The following SIPA1L3 variants were observed in gnomAD, a reference collection of about 807,000 sequenced individuals.
SIPA1L3 encodes signal induced proliferation associated 1 like 3.
SIPA1L3 carries 59 observed loss-of-function variants against 150.1 expected under a neutral mutation model. That is an observed-to-expected ratio of 0.39 (90% CI 0.32 to 0.49). The LOEUF (loss-of-function observed/expected upper bound fraction) is 0.49. Among genes scored for constraint, SIPA1L3 ranks in the 20% least tolerant of loss-of-function variants. The pLI, the probability that SIPA1L3 is intolerant of heterozygous loss-of-function variation, is 0.86. For synonymous variants in SIPA1L3, 1,070 were observed against 1,077.6 expected (o/e 0.99, Z 0.14); for missense variants, 2,211 against 2,489.5 (o/e 0.89, Z 2.38).
chr19:38,147,786 G>A (rs1971733300), intron 12 of SIPA1L3, among the ~76,000 whole-genome samples: 1 of 152,048 alleles, frequency 6.6e-6, no homozygotes, highest in Non-Finnish European at 1.5e-5. Flanking sequence ...TCCTTGAGGT[G>A]GGTAGTTTAA....
At chr19:37,943,863 G>A (rs1007792454) in intron 1 of SIPA1L3, among the ~76,000 whole-genome samples, 5 of 152,070 alleles carry the variant, frequency 3.3e-5, no homozygotes, top group African/African-American at 1.2e-4. Flanking sequence ...CTCTGCTTGC[G>A]TTTAGGCCTC....
chr19:37,915,953 C>T (rs964936045), intron 1 of SIPA1L3, among the ~76,000 whole-genome samples: 2 of 150,878 alleles, frequency 1.3e-5, no homozygotes, highest in Non-Finnish European at 3.0e-5. Flanking sequence ...TTTGGGAGGC[C>T]GAGGTGGGAG....
At chr19:37,951,213 G>T (rs937841865) in intron 1 of SIPA1L3, among the ~76,000 whole-genome samples, 2 of 152,218 alleles carry the variant, frequency 1.3e-5, no homozygotes, top group Non-Finnish European at 2.9e-5. Flanking sequence ...TTTTATAATT[G>T]TACTGTGATC....
intron 1 of SIPA1L3, among the ~76,000 whole-genome samples, chr19:38,001,825 A>G (rs759692677): frequency 2.4e-4 from 36 of 152,206 alleles, no homozygotes; most frequent in Non-Finnish European, 3.4e-4. Flanking sequence ...CACAATATAC[A>G]TAACAAATTT....
intron 4 of SIPA1L3, among the ~76,000 whole-genome samples, chr19:38,098,726 C>A (rs1174175096): frequency 1.3e-5 from 2 of 152,142 alleles, no homozygotes; most frequent in African/African-American, 2.4e-5. Flanking sequence ...CTCCTCATAT[C>A]TCATTGCCTG....
chr19:37,923,308 G>A (rs2046473196), intron 1 of SIPA1L3, among the ~76,000 whole-genome samples: 1 of 152,182 alleles, frequency 6.6e-6, no homozygotes, highest in Non-Finnish European at 1.5e-5. Context: ...CTCATGGAGT[G>A]TACTTGCTGC....
In SIPA1L3 at chr19:38,130,833, G is replaced by A. The variant is rs861304; in HGVS notation, c.3143+61G>A. 0.9 allele frequency: 1,382,362 copies of A among 1,540,854 alleles called. 620,648 individuals carry two copies. Among genetic ancestry groups the A allele is most frequent in the African/African-American group, 0.98 (72,410 of 73,756 alleles). ...GCAGCTCCCAGATCGCTGGCATGAG[G>A]CCTCCCTGGCACTGTCACTTGAGGT... is the stretch of plus-strand genomic sequence containing the variant. On this transcript the variant is annotated intron_variant, in intron 10 of 21. Transcript: ENST00000222345.
intron 1 of SIPA1L3, among the ~76,000 whole-genome samples, chr19:37,935,091 A>G (rs978631660): frequency 6.6e-6 from 1 of 152,214 alleles, no homozygotes; most frequent in Non-Finnish European, 1.5e-5. Flanking sequence ...ATGAAGTAAC[A>G]GTAGTGCAAT....
At chr19:38,009,081 C>G (rs1332915207) in intron 1 of SIPA1L3, among the ~76,000 whole-genome samples, 4 of 152,202 alleles carry the variant, frequency 2.6e-5, no homozygotes, top group African/African-American at 9.6e-5. Context: ...GTCACCCAGG[C>G]TGGAGTACAA....
At chr19:38,138,897 C>CAAAAAAA (rs3045988) in intron 10 of SIPA1L3, among the ~76,000 whole-genome samples, 24 of 44,006 alleles carry the variant, frequency 5.5e-4, no homozygotes, top group East Asian at 1.7e-3. Context: ...GACTCTATCT[C>CAAAAAAA]AAAAAAAAAA....
chr19:38,165,643 C>T (rs531009474), intron 15 of SIPA1L3, among the ~76,000 whole-genome samples: 8 of 152,336 alleles, frequency 5.3e-5, no homozygotes, highest in African/African-American at 1.4e-4. Context: ...CAGGCTCTAC[C>T]GTATACGGCG....
intron 1 of SIPA1L3, among the ~76,000 whole-genome samples, chr19:38,016,413 G>A (rs1968231776): frequency 6.6e-6 from 1 of 152,220 alleles, no homozygotes; most frequent in African/African-American, 2.4e-5. Context: ...CTGGTGGGTA[G>A]TGGTCCATAT....
At position 38,119,141 on chromosome 19, in the gene SIPA1L3, C is replaced by T. The variant is rs1458504655; in HGVS notation, c.2292-165C>T. On this transcript the variant is annotated intron_variant, in intron 8 of 21. Coordinates refer to ENST00000222345, the MANE Select transcript of SIPA1L3 (RefSeq NM_015073.3). ...AGGACAGGAGGTCAAAGCTGCAGTG[C>T]GCTATGATTGCACCATTGCACTCCA... is the stretch of plus-strand genomic sequence containing the variant. Among the ~76,000 whole-genome samples, 7 of 152,186 alleles carry T rather than the reference C, an allele frequency of 4.6e-5. No homozygotes were observed. The East Asian group carries it at 7.7e-4, about 17-fold the overall frequency.
At position 38,164,773 on chromosome 19, in the gene SIPA1L3, AG is replaced by A; in HGVS notation, c.4077del (p.Arg1359SerfsTer134). On this transcript the variant is annotated frameshift_variant, in exon 15 of 22. Coordinates refer to ENST00000222345, the MANE Select transcript of SIPA1L3 (RefSeq NM_015073.3). LOFTEE classifies it high-confidence loss of function. The surrounding 1 kb of genome is among the most constrained non-coding windows in gnomAD (Gnocchi z 4.1). Reference sequence around the variant, plus strand: ...CGCTGGGAGGTCCCACCACGCAGACAGGCGGCGGGAGGTCTCCCCTGCCCCC... The same window carrying A: ...CGCTGGGAGGTCCCACCACGCAGACAGCGGCGGGAGGTCTCCCCTGCCCCC... ...EAAGRSHHADRRREVSPAPAV... is the reference protein window; with the variant it reads ...EAAGRSHHADXRREVSPAPAV... 1 of 1,612,428 alleles carries A rather than the reference AG, an allele frequency of 6.2e-7. No individual in the cohort carries two copies. The highest frequency in any genetic ancestry group is 8.5e-7 in the Non-Finnish European group (1 of 1,179,362).
chr19:38,136,788 T>C (rs903130470), intron 10 of SIPA1L3, among the ~76,000 whole-genome samples: 3 of 152,166 alleles, frequency 2.0e-5, no homozygotes, highest in Admixed American at 1.3e-4. Context: ...ATAATTTCGA[T>C]GATGATCATT....
chr19:37,913,058 C>T (rs368872460), intron 1 of SIPA1L3, among the ~76,000 whole-genome samples: 29 of 152,050 alleles, frequency 1.9e-4, no homozygotes, highest in African/African-American at 6.0e-4. Flanking sequence ...GCTTAGGTGG[C>T]GGGCAGACCA....
intron 1 of SIPA1L3, among the ~76,000 whole-genome samples, chr19:37,936,223 A>G (rs954787048): frequency 2.0e-5 from 3 of 152,048 alleles, no homozygotes; most frequent in African/African-American, 7.2e-5. Flanking sequence ...AAGGACATCT[A>G]CAGTTTTTCA....
At chr19:38,127,268 T>C (rs10425571) in intron 9 of SIPA1L3, among the ~76,000 whole-genome samples, 4,420 of 152,334 alleles carry the variant, frequency 0.029, 209 homozygotes, top group African/African-American at 0.1. Context: ...TCTTTCTTCC[T>C]TCCCTCTCTT....
chr19:37,939,391 C>T (rs909563606), intron 1 of SIPA1L3, among the ~76,000 whole-genome samples: 1 of 129,326 alleles, frequency 7.7e-6, no homozygotes, highest in Non-Finnish European at 1.6e-5. Context: ...CAGAGTGAGA[C>T]TCCATGTCAA....
Sources: allele counts gnomAD v4.1 joint callset (sites outside exome capture counted in the v4.1 genomes callset), GRCh38; gene constraint gnomAD v4.1.1; non-coding constraint Gnocchi (gnomAD v3.1); transcripts MANE v1.5; gene names NCBI Gene and HGNC (gene_info 2026-07-23, HGNC 2026-07-21).